The following CD163L1 variants were observed in gnomAD, a reference collection of about 807,000 sequenced individuals.
The protein encoded by CD163L1 is scavenger receptor cysteine-rich type 1 protein M160.
CD163L1 carries 124 observed loss-of-function variants against 165.4 expected under a neutral mutation model. The observed-to-expected ratio is 0.75, with a 90% confidence interval of 0.65 to 0.87. CD163L1 has a LOEUF of 0.87. Among genes scored for constraint, CD163L1 ranks in the 40% least tolerant of loss-of-function variants. The probability of loss-of-function intolerance (pLI) is 0.00; values close to 1 mark genes in which losing one functional copy is unlikely to be tolerated. For missense variants in CD163L1, 1,525 were observed against 1,799.9 expected, an observed-to-expected ratio of 0.85 and a Z score of 2.76; for synonymous variants, 585 against 662.2, an observed-to-expected ratio of 0.88 and a Z score of 1.79.
At chr12:7,340,484 G>A in the CD163L1 span, among the ~76,000 whole-genome samples, 3 of 152,178 alleles carry the variant, frequency 2.0e-5, no homozygotes, top group African/African-American at 7.2e-5. Context: ...ACTTATAGTT[G>A]GAAAAGTGTA....
chr12:7,345,187 T>C (rs1946661265), downstream of CD163L1, among the ~76,000 whole-genome samples: 1 of 152,136 alleles, frequency 6.6e-6, no homozygotes, highest in African/African-American at 2.4e-5. Flanking sequence ...TCTGAACTTT[T>C]ATGCTTTGCT....
chr12:7,443,686 C>T (rs1025893481), intron 1 of CD163L1, among the ~76,000 whole-genome samples: 6 of 152,228 alleles, frequency 3.9e-5, no homozygotes, highest in African/African-American at 1.2e-4. Context: ...CTTCATTTTC[C>T]ATCTACCAAT....
intron 4 of CD163L1, among the ~76,000 whole-genome samples, chr12:7,408,269 T>C (rs1948069360): frequency 6.6e-6 from 1 of 152,140 alleles, no homozygotes; most frequent in Non-Finnish European, 1.5e-5. Context: ...TTTGTATGCA[T>C]TTGTGTGTGT....
chr12:7,378,609 G>A (rs897740793), intron 9 of CD163L1, among the ~76,000 whole-genome samples: 5 of 151,688 alleles, frequency 3.3e-5, no homozygotes, highest in South Asian at 4.2e-4. Flanking sequence ...TGTGTTACTC[G>A]AATAAAATAC....
intron 4 of CD163L1, among the ~76,000 whole-genome samples, chr12:7,416,535 G>A (rs1178732835): frequency 1.3e-5 from 2 of 151,994 alleles, no homozygotes; most frequent in East Asian, 3.8e-4. Context: ...TTTCTTCTAG[G>A]GTTTTTATGG....
At chr12:7,327,774 T>C in the CD163L1 span, among the ~76,000 whole-genome samples, 6 of 152,194 alleles carry the variant, frequency 3.9e-5, no homozygotes, top group South Asian at 2.1e-4. Flanking sequence ...GACTGTTGAC[T>C]TTCAGAAAGG....
chr12:7,433,358 C>G lies in CD163L1; in HGVS notation c.445+16G>C, dbSNP rs771370408. 3.2e-6 allele frequency: 5 copies of G among 1,563,100 alleles called. No individual in the cohort carries two copies. Among genetic ancestry groups the G allele is most frequent in the Non-Finnish European group, 4.3e-6 (5 of 1,152,744 alleles). ...GTAGGTCTTACCTTGCCTTCCTACT[C>G]TAGTTAGACTCTTACCATAACAGTT... On this transcript the variant is annotated intron_variant, in intron 3 of 19. Transcript: ENST00000313599.
intron 4 of CD163L1, among the ~76,000 whole-genome samples, chr12:7,412,725 T>C (rs778517489): frequency 5.8e-4 from 88 of 152,210 alleles, no homozygotes; most frequent in African/African-American, 1.9e-3. Context: ...AAAGACCTCA[T>C]ATCTCCCACA....
Position 7,374,490 on chromosome 12 carries a change from C to G in CD163L1, c.3361G>C (p.Gly1121Arg). Residue 1121 changes from glycine (G) to arginine (R), a missense_variant, in exon 13 of 20, where the codon GGG becomes CGG. Gly to Arg is a moderately radical substitution (Grantham distance 125). Transcript: ENST00000313599. This position sits in a 1 kb window ranked among gnomAD's most constrained non-coding sequence, Gnocchi z 5.4. ...TCCTTGTGCCTGCAGTCGTGCTGCC[C>G]CCAGCCGCGGGAAGGGCACTGCCAC... ...HLWQCPSRGW[G>R]QHDCRHKEDA... The G allele has an allele frequency of 6.2e-7, 1 of 1,614,128 alleles. No individual in the cohort carries two copies. Among genetic ancestry groups the G allele is most frequent in the Admixed American group, 1.7e-5 (1 of 60,020 alleles).
At chr12:7,354,361 G>C (rs928928941), downstream of CD163L1, among the ~76,000 whole-genome samples, 6 of 152,072 alleles carry the variant, frequency 3.9e-5, no homozygotes, top group Non-Finnish European at 5.9e-5. Flanking sequence ...CAAGTTAGAA[G>C]CAAGGGCAAT....
intron 4 of CD163L1, among the ~76,000 whole-genome samples, chr12:7,421,187 GTATATATGTA>G (rs1427546384): frequency 7.6e-6 from 1 of 131,126 alleles, no homozygotes; most frequent in Non-Finnish European, 1.6e-5. Flanking sequence ...ATATATATGT[GTATATATGTA>G]TATATATGGG....
chr12:7,390,361 T>C (rs1156472940), intron 8 of CD163L1, among the ~76,000 whole-genome samples: 2 of 152,294 alleles, frequency 1.3e-5, no homozygotes, highest in Non-Finnish European at 2.9e-5. Flanking sequence ...ATTTGAAATG[T>C]TATCAACACA....
At chr12:7,421,675 G>GTGTA (rs1948438560) in intron 4 of CD163L1, among the ~76,000 whole-genome samples, 1 of 128,718 alleles carries the variant, frequency 7.8e-6, no homozygotes, top group African/African-American at 2.9e-5. Flanking sequence ...ACATATACGT[G>GTGTA]CATATGTACA....
At chr12:7,345,814 C>T (rs571976977), downstream of CD163L1, among the ~76,000 whole-genome samples, 19 of 152,092 alleles carry the variant, frequency 1.2e-4, no homozygotes, top group South Asian at 4.1e-4. Context: ...CTTCTGATGA[C>T]GCCTCAGGAA....
intron 8 of CD163L1, among the ~76,000 whole-genome samples, chr12:7,382,013 A>G (rs1947420401): frequency 6.8e-6 from 1 of 148,014 alleles, no homozygotes; most frequent in Admixed American, 6.8e-5. Flanking sequence ...ATTTATATAT[A>G]ATGGTTTTAT....
rs1457656796 is a variant in CD163L1, at chr12:7,372,497, G to A, written c.3730+823C>T. ...TACCAATAATCACATGGTTATTTAT[G>A]TTCACATGATAAAATATTGTATGCC... On this transcript the variant is annotated intron_variant, in intron 14 of 19. Transcript: ENST00000313599. The surrounding 1 kb of genome is among the most constrained non-coding windows in gnomAD (Gnocchi z 4.2). 1.3e-5 allele frequency among the ~76,000 whole-genome samples: 2 copies of A among 151,784 alleles called. No individual in the cohort carries two copies. Among genetic ancestry groups the A allele is most frequent in the Non-Finnish European group, 2.9e-5 (2 of 67,884 alleles).
downstream of CD163L1, among the ~76,000 whole-genome samples, chr12:7,350,920 GAAC>G (rs1946702372): frequency 6.6e-6 from 1 of 151,760 alleles, no homozygotes; most frequent in South Asian, 2.1e-4. Flanking sequence ...TATTTTATAA[GAAC>G]AAAAAGATCA....
chr12:7,356,804 T>C (rs1485009105), intron 19 of CD163L1, among the ~76,000 whole-genome samples: 1 of 152,170 alleles, frequency 6.6e-6, no homozygotes, highest in African/African-American at 2.4e-5. Flanking sequence ...CACCAGTAAG[T>C]GTTTTAGAAC....
intron 4 of CD163L1, among the ~76,000 whole-genome samples, chr12:7,408,196 A>G (rs1948068094): frequency 6.6e-6 from 1 of 151,890 alleles, no homozygotes; most frequent in Admixed American, 6.6e-5. Context: ...AGTTAAATGA[A>G]TGAGATTTTT....
Sources: allele counts gnomAD v4.1 joint callset (sites outside exome capture counted in the v4.1 genomes callset), GRCh38; gene constraint gnomAD v4.1.1; non-coding constraint Gnocchi (gnomAD v3.1); transcripts MANE v1.5; gene names NCBI Gene and HGNC (gene_info 2026-07-23, HGNC 2026-07-21).